The following CSMD1 variants were observed in gnomAD, a reference collection of about 807,000 sequenced individuals.
CSMD1 encodes CUB and Sushi multiple domains 1, also known as CUB and sushi domain-containing protein 1.
In CSMD1, 213 loss-of-function variants were observed where a neutral mutation model predicts 417.5. The observed-to-expected ratio is 0.51, with a 90% CI of 0.46 to 0.57. CSMD1 has a LOEUF of 0.57. Ranked by LOEUF, CSMD1 falls within the 20% of genes least tolerant of loss-of-function variation. The probability of loss-of-function intolerance (pLI) is 0.00; values close to 1 mark genes in which losing one functional copy is unlikely to be tolerated. For missense variants in CSMD1, 6,923 were observed against 4,529.7 expected, an observed-to-expected ratio of 1.53 and a Z score of -15.17; for synonymous variants, 2,862 against 1,736.8, an observed-to-expected ratio of 1.65 and a Z score of -16.11.
chr8:4,445,007 G>A (rs577171947), intron 2 of CSMD1, among the ~76,000 whole-genome samples: 1 of 152,142 alleles, frequency 6.6e-6, no homozygotes, highest in South Asian at 2.1e-4. Context: ...TTGATTTTCA[G>A]GTGTTAAAAT....
intron 5 of CSMD1, among the ~76,000 whole-genome samples, chr8:3,817,476 T>C (rs1286879781): frequency 6.6e-6 from 1 of 151,740 alleles, no homozygotes; most frequent in African/African-American, 2.4e-5. Context: ...AGACGGGGTT[T>C]CACCTCGTTA....
intron 4 of CSMD1, among the ~76,000 whole-genome samples, chr8:4,009,561 G>A (rs184386692): frequency 3.6e-4 from 55 of 152,272 alleles, no homozygotes; most frequent in African/African-American, 1.2e-3. Context: ...AAAAATGCAG[G>A]TTATACAGTT....
chr8:4,467,621 T>C (rs1821074037), intron 2 of CSMD1, among the ~76,000 whole-genome samples: 1 of 152,234 alleles, frequency 6.6e-6, no homozygotes, highest in Non-Finnish European at 1.5e-5. Flanking sequence ...AACAATTCTT[T>C]TCAGTTTTCT....
At chr8:3,692,323 A>T (rs1022818586) in intron 7 of CSMD1, among the ~76,000 whole-genome samples, 1 of 152,124 alleles carries the variant, frequency 6.6e-6, no homozygotes, top group Non-Finnish European at 1.5e-5. Flanking sequence ...ATGACCACAT[A>T]CCCAAAAGAA....
chr8:4,503,792 A>G (rs905298969), intron 2 of CSMD1, among the ~76,000 whole-genome samples: 5 of 152,120 alleles, frequency 3.3e-5, no homozygotes, highest in African/African-American at 1.2e-4. Context: ...CACTGTGACA[A>G]TGTGAATTAT....
At chr8:4,699,947 A>C (rs568103562) in intron 1 of CSMD1, among the ~76,000 whole-genome samples, 1 of 152,222 alleles carries the variant, frequency 6.6e-6, no homozygotes, top group East Asian at 1.9e-4. Context: ...TAGGATTAGA[A>C]TAAGACAGGC....
intron 2 of CSMD1, among the ~76,000 whole-genome samples, chr8:4,598,949 C>T (rs1026220531): frequency 6.6e-6 from 1 of 152,106 alleles, no homozygotes; most frequent in African/African-American, 2.4e-5. Context: ...GTTTCTAAAT[C>T]AAATGTTAAA....
intron 7 of CSMD1, among the ~76,000 whole-genome samples, chr8:3,651,568 A>G (rs1335126288): frequency 1.3e-5 from 2 of 152,060 alleles, no homozygotes; most frequent in East Asian, 1.9e-4. Flanking sequence ...TTGGCTGGCC[A>G]CCACATCTAG....
At chr8:4,722,087 A>G (rs1809095962) in intron 1 of CSMD1, among the ~76,000 whole-genome samples, 1 of 152,154 alleles carries the variant, frequency 6.6e-6, no homozygotes, top group African/African-American at 2.4e-5. Context: ...CAAGAAATCT[A>G]ATATATAGCA....
intron 6 of CSMD1, among the ~76,000 whole-genome samples, chr8:3,722,238 G>A (rs984370731): frequency 2.0e-5 from 3 of 152,120 alleles, no homozygotes; most frequent in South Asian, 2.1e-4. Flanking sequence ...GACCAGGGAG[G>A]CAGAGATTGC....
intron 5 of CSMD1, among the ~76,000 whole-genome samples, chr8:3,986,003 C>T (rs1158005677): frequency 6.6e-6 from 1 of 152,000 alleles, no homozygotes; most frequent in Non-Finnish European, 1.5e-5. Flanking sequence ...CCAGGCCCCA[C>T]CCACTCCCCT....
chr8:3,380,260 G>T (rs538186028), intron 18 of CSMD1, among the ~76,000 whole-genome samples: 1 of 152,306 alleles, frequency 6.6e-6, no homozygotes, highest in African/African-American at 2.4e-5. Flanking sequence ...AGAGGCTGTG[G>T]AGAAACAGGA....
chr8:3,591,481 C>T (rs1177906471), intron 8 of CSMD1, among the ~76,000 whole-genome samples: 1 of 152,132 alleles, frequency 6.6e-6, no homozygotes, highest in Non-Finnish European at 1.5e-5. Context: ...ACATTGGTAT[C>T]ATAACTATTT....
intron 1 of CSMD1, among the ~76,000 whole-genome samples, chr8:4,709,225 C>A (rs116945140): frequency 8.0e-4 from 122 of 152,254 alleles, no homozygotes; most frequent in Non-Finnish European, 1.5e-3. Context: ...TAGAAGGAAC[C>A]AGGCTACTCT....
chr8:4,372,115 T>G (rs1802433812), intron 3 of CSMD1, among the ~76,000 whole-genome samples: 1 of 152,216 alleles, frequency 6.6e-6, no homozygotes, highest in African/African-American at 2.4e-5. Flanking sequence ...CAAAGTCCAT[T>G]TACTGAATAT....
At chr8:4,489,374 A>G (rs1286445971) in intron 2 of CSMD1, among the ~76,000 whole-genome samples, 2 of 152,234 alleles carry the variant, frequency 1.3e-5, no homozygotes, top group African/African-American at 4.8e-5. Flanking sequence ...ATCCATGTAT[A>G]TTTCACATGC....
chr8:4,228,701 T>G (rs917616495), intron 3 of CSMD1, among the ~76,000 whole-genome samples: 4 of 152,054 alleles, frequency 2.6e-5, no homozygotes, highest in Non-Finnish European at 5.9e-5. Flanking sequence ...TCTTTTTTCT[T>G]GAGATGGAGT....
Position 4,803,452 on chromosome 8 carries a change from G to C in CSMD1, c.86-165894C>G, listed in dbSNP as rs34389960. Among the ~76,000 whole-genome samples, 8 of 152,164 alleles carry C rather than the reference G, an allele frequency of 5.3e-5. 1 individual carries two copies. The South Asian group carries it at 1.7e-3, about 32-fold the overall frequency. On this transcript the variant is annotated intron_variant, in intron 1 of 69. Coordinates refer to ENST00000635120, the MANE Select transcript of CSMD1 (RefSeq NM_033225.6). ...TCTTTTATAGGAAGGGGTTTTGCATGATAGGAGAGGAGGGTTAGGGGTCAG... is the reference window on the plus strand; with the variant it reads ...TCTTTTATAGGAAGGGGTTTTGCATCATAGGAGAGGAGGGTTAGGGGTCAG...
chr8:4,723,801 C>CA (rs1160845027), intron 1 of CSMD1, among the ~76,000 whole-genome samples: 8,503 of 97,930 alleles, frequency 0.087, 491 homozygotes, highest in African/African-American at 0.21. Context: ...AAAAAAAAAA[C>CA]AAAAAAAAAA....
Sources: allele counts gnomAD v4.1 joint callset (sites outside exome capture counted in the v4.1 genomes callset), GRCh38; gene constraint gnomAD v4.1.1; transcripts MANE v1.5; gene names NCBI Gene and HGNC (gene_info 2026-07-23, HGNC 2026-07-21).